Variants in PCGF5 observed in about 807,000 individuals in gnomAD.
PCGF5 encodes polycomb group ring finger 5.
Under a neutral mutation model 44.3 loss-of-function variants are expected in PCGF5, and 9 were observed. The ratio of observed to expected loss-of-function variants is 0.20; its 90% confidence interval spans 0.12 to 0.35. The LOEUF is 0.35. PCGF5 is among the 10% of genes least tolerant of loss of function. PCGF5 has a pLI of 1.00. For missense variants in PCGF5, 146 were observed against 305.3 expected (o/e 0.48, Z 3.89); for synonymous variants, 95 against 102.5 (o/e 0.93, Z 0.44).
intron 1 of PCGF5, among the ~76,000 whole-genome samples, chr10:91,181,840 T>G (rs1360259813): frequency 1.3e-5 from 2 of 152,194 alleles, no homozygotes; most frequent in African/African-American, 4.8e-5. Flanking sequence ...TTCTGTTGTA[T>G]TTCTGCTGGG....
chr10:91,264,121 T>C (rs1402188332), intron 7 of PCGF5, among the ~76,000 whole-genome samples: 2 of 152,112 alleles, frequency 1.3e-5, no homozygotes, highest in Non-Finnish European at 2.9e-5. Context: ...GCCTTAAACC[T>C]CTAAGAGACA....
intron 6 of PCGF5, among the ~76,000 whole-genome samples, chr10:91,257,567 G>A (rs1845787794): frequency 6.6e-6 from 1 of 152,048 alleles, no homozygotes; most frequent in South Asian, 2.1e-4. Flanking sequence ...AACTGAGATA[G>A]CTAAGTCACT....
chr10:91,195,728 C>A (rs1342596575), intron 1 of PCGF5, among the ~76,000 whole-genome samples: 2 of 151,856 alleles, frequency 1.3e-5, no homozygotes, highest in Non-Finnish European at 2.9e-5. Context: ...AGCCACCATG[C>A]CTGGCCTAAA....
intron 6 of PCGF5, among the ~76,000 whole-genome samples, chr10:91,254,365 T>C (rs1399233722): frequency 6.6e-6 from 1 of 152,064 alleles, no homozygotes; most frequent in Non-Finnish European, 1.5e-5. Context: ...CATCCTATGC[T>C]TCTGTCAAGA....
At chr10:91,184,938 G>A (rs1843891721) in intron 1 of PCGF5, among the ~76,000 whole-genome samples, 1 of 152,178 alleles carries the variant, frequency 6.6e-6, no homozygotes, top group Non-Finnish European at 1.5e-5. Context: ...GAATGCAGCG[G>A]TAGGAGGTAG....
At chr10:91,209,276 T>C (rs1844404811) in intron 1 of PCGF5, among the ~76,000 whole-genome samples, 2 of 152,216 alleles carry the variant, frequency 1.3e-5, no homozygotes, top group South Asian at 4.1e-4. Flanking sequence ...AAGAGAACTT[T>C]ACAAGTGAGG....
intron 6 of PCGF5, among the ~76,000 whole-genome samples, chr10:91,251,828 A>G (rs1845629928): frequency 6.6e-6 from 1 of 151,862 alleles, no homozygotes; most frequent in Admixed American, 6.6e-5. Context: ...CTCTATTTTT[A>G]TTTGCAACTC....
At chr10:91,174,130 G>A (rs1247109257) in intron 1 of PCGF5, among the ~76,000 whole-genome samples, 1 of 150,146 alleles carries the variant, frequency 6.7e-6, no homozygotes, top group African/African-American at 2.5e-5. Context: ...AACTGTAATT[G>A]GGCTACAACT....
rs181899521 is a variant in PCGF5, at chr10:91,179,884, C to T, written c.-184+16803C>T. Among the ~76,000 whole-genome samples the T allele has an allele frequency of 1.8e-3, 268 of 152,220 alleles. 1 individual carries two copies. Among genetic ancestry groups the T allele is most frequent in the African/African-American group, 6.1e-3 (253 of 41,528 alleles). ...ATACCCAGTAATGGGATTGCTGGGT[C>T]GAATGGTATTTCTATCTTTAGGTAT... On this transcript the variant is annotated intron_variant, in intron 1 of 9. Transcript: ENST00000614189.
chr10:91,191,165 A>G (rs1413456134), intron 1 of PCGF5, among the ~76,000 whole-genome samples: 1 of 152,236 alleles, frequency 6.6e-6, no homozygotes, highest in African/African-American at 2.4e-5. Context: ...CAAATTAGGC[A>G]CAGTAAAAGA....
chr10:91,219,719 C>T (rs1385938023), upstream of PCGF5, among the ~76,000 whole-genome samples: 1 of 152,128 alleles, frequency 6.6e-6, no homozygotes, highest in Non-Finnish European at 1.5e-5. Context: ...TTAGAAATGG[C>T]AATTTTTAAA....
chr10:91,240,791 A>G (rs1845302582), intron 3 of PCGF5, among the ~76,000 whole-genome samples: 1 of 151,962 alleles, frequency 6.6e-6, no homozygotes, highest in Non-Finnish European at 1.5e-5. Context: ...TACATTTCCA[A>G]ACTAAAAGTA....
intron 6 of PCGF5, among the ~76,000 whole-genome samples, chr10:91,260,034 C>T (rs1845857998): frequency 6.6e-6 from 1 of 151,668 alleles, no homozygotes; most frequent in Admixed American, 6.6e-5. Context: ...AGGCAACCTA[C>T]AGAATGGGAG....
intron 1 of PCGF5, among the ~76,000 whole-genome samples, chr10:91,200,772 CT>C (rs990496705): frequency 2.0e-5 from 3 of 152,066 alleles, no homozygotes; most frequent in African/African-American, 7.2e-5. Flanking sequence ...GCAAATTAAG[CT>C]TTGGTTTCTT....
At chr10:91,262,442 AAAG>A (rs1306685244) in intron 7 of PCGF5, among the ~76,000 whole-genome samples, 2 of 152,152 alleles carry the variant, frequency 1.3e-5, no homozygotes, top group African/African-American at 4.8e-5. Context: ...AAAGAAAAGA[AAAG>A]AAAATTAAAG....
intron 1 of PCGF5, among the ~76,000 whole-genome samples, chr10:91,178,399 T>A (rs886074516): frequency 1.3e-5 from 2 of 151,564 alleles, no homozygotes; most frequent in Non-Finnish European, 1.5e-5. Context: ...TCTTTTCTTT[T>A]TTTTTTTTGA....
intron 1 of PCGF5, among the ~76,000 whole-genome samples, chr10:91,207,058 C>G (rs1844360919): frequency 6.6e-6 from 1 of 152,178 alleles, no homozygotes. Flanking sequence ...ATTTCCTGTG[C>G]TGAGAACATA....
intron 2 of PCGF5, among the ~76,000 whole-genome samples, chr10:91,235,369 G>A (rs539941035): frequency 6.6e-6 from 1 of 152,264 alleles, no homozygotes; most frequent in East Asian, 1.9e-4. Context: ...TAAAAGTAGG[G>A]AATTCACTTA....
At chr10:91,194,611 A>C (rs1306751027) in intron 1 of PCGF5, among the ~76,000 whole-genome samples, 1 of 152,196 alleles carries the variant, frequency 6.6e-6, no homozygotes, top group African/African-American at 2.4e-5. Flanking sequence ...ATTTGTTATC[A>C]CAGCAATATA....
Sources: gnomAD v4.1 joint callset for allele counts (sites outside exome capture counted in the v4.1 genomes callset) on GRCh38, gnomAD v4.1.1 for gene constraint, MANE v1.5 for transcripts, NCBI Gene and HGNC (gene_info 2026-07-23, HGNC 2026-07-21) for gene names.